Variants in ANKRD46 observed in about 807,000 individuals in gnomAD.
ANKRD46 encodes ankyrin repeat domain 46.
A neutral mutation model predicts 19.8 loss-of-function variants in ANKRD46; 13 were observed. The observed-to-expected ratio is 0.66, with a 90% CI of 0.43 to 1.04. The LOEUF (loss-of-function observed/expected upper bound fraction) is 1.04, where lower values mean the gene tolerates loss of function less well. ANKRD46 is among the 50% of genes least tolerant of loss of function. ANKRD46 has a pLI of 0.00. For synonymous variants in ANKRD46, 91 were observed against 106.9 expected (o/e 0.85, Z 0.92); for missense variants, 185 against 274.8 (o/e 0.67, Z 2.31).
chr8:100,515,496 A>G (rs1049000674), intron 5 of ANKRD46, among the ~76,000 whole-genome samples: 1 of 152,184 alleles, frequency 6.6e-6, no homozygotes, highest in Non-Finnish European at 1.5e-5. Flanking sequence ...GGTTACAGAA[A>G]TCCACATCCT....
At position 100,544,186 on chromosome 8, in the gene ANKRD46, A is replaced by G. The variant is rs1304137643; in HGVS notation, c.-130-10875T>C. 6.6e-6 allele frequency among the ~76,000 whole-genome samples: 1 copy of G among 152,156 alleles called. No individual in the cohort carries two copies. On this transcript the variant is annotated intron_variant, in intron 1 of 4. Coordinates refer to ENST00000335659, the MANE Select transcript of ANKRD46 (RefSeq NM_001270377.2). The surrounding 1 kb of genome is among the most constrained non-coding windows in gnomAD (Gnocchi z 4.4). Reference sequence around the variant, plus strand: ...ACCCCAAGCAGCAAGAAATCTGCCCATACAACCATCCCTAACTCTCTTCAG... The same window carrying G: ...ACCCCAAGCAGCAAGAAATCTGCCCGTACAACCATCCCTAACTCTCTTCAG...
rs575486156 is a variant in ANKRD46, at chr8:100,546,046, T to A, written c.-130-12735A>T. Among the ~76,000 whole-genome samples the A allele has an allele frequency of 1.3e-5, 2 of 152,244 alleles. No homozygotes were observed. Among genetic ancestry groups the A allele is most frequent in the Non-Finnish European group, 2.9e-5 (2 of 68,044 alleles). Reference sequence around the variant, plus strand: ...TGTTCACGAAGAGATAATCTGCAATTGGAACTTCTGTTTAAAAGCGAAGCA... The same window carrying A: ...TGTTCACGAAGAGATAATCTGCAATAGGAACTTCTGTTTAAAAGCGAAGCA... On this transcript the variant is annotated intron_variant, in intron 1 of 4. Transcript: ENST00000335659. The surrounding 1 kb of genome is among the most constrained non-coding windows in gnomAD (Gnocchi z 4.0).
chr8:100,510,741 C>G lies in ANKRD46; in HGVS notation c.637-102G>C. 1 of 1,055,444 alleles carries G rather than the reference C, an allele frequency of 9.5e-7. No individual in the cohort carries two copies. The highest frequency in any genetic ancestry group is 2.5e-5 in the Admixed American group (1 of 39,870). 65.4% of individuals were successfully genotyped at this position (1,055,444 alleles called of 1,614,324 possible). On this transcript the variant is annotated intron_variant, in intron 5 of 5. Transcript: ENST00000520552. The surrounding 1 kb of genome is among the most constrained non-coding windows in gnomAD (Gnocchi z 4.9). ...AGATACAATCATAAATATATAGAAC[C>G]AGAAAGCACAGGCTTGCTTCTCCTC... is the stretch of plus-strand genomic sequence containing the variant.
chr8:100,532,695 C>CA lies in ANKRD46; in HGVS notation c.-28+513dup, dbSNP rs377491118. Among the ~76,000 whole-genome samples the CA allele has an allele frequency of 6.6e-5, 10 of 151,554 alleles. No homozygotes were observed. The highest frequency in any genetic ancestry group is 2.2e-4 in the African/African-American group (9 of 41,276). On this transcript the variant is annotated intron_variant, in intron 2 of 4. Transcript: ENST00000335659. This position sits in a 1 kb window ranked among gnomAD's most constrained non-coding sequence, Gnocchi z 4.7. Reference sequence around the variant, plus strand: ...ATAGCTGATAAGCTTTAAAAAATTGCAAAAAAAATCTCAGAATGTTTTTTA... The same window carrying CA: ...ATAGCTGATAAGCTTTAAAAAATTGCAAAAAAAAATCTCAGAATGTTTTTTA...
chr8:100,529,497 G>C lies in ANKRD46; in HGVS notation c.311+26C>G. 2 of 1,587,120 alleles carry C rather than the reference G, an allele frequency of 1.3e-6. No homozygotes were observed. Among genetic ancestry groups the C allele is most frequent in the Non-Finnish European group, 1.7e-6 (2 of 1,163,266 alleles). The stretch of plus-strand genomic sequence containing the variant: ...AGAGATTAATGGGAAGAAATGACTA[G>C]ACTTCTAAAACAACAGAGAACTTAC... On this transcript the variant is annotated intron_variant, in intron 3 of 4. Coordinates refer to ENST00000335659, the MANE Select transcript of ANKRD46 (RefSeq NM_001270377.2). This position sits in a 1 kb window ranked among gnomAD's most constrained non-coding sequence, Gnocchi z 5.8.
At chr8:100,531,930 G>A (rs1182562682) in intron 2 of ANKRD46, among the ~76,000 whole-genome samples, 1 of 152,162 alleles carries the variant, frequency 6.6e-6, no homozygotes, top group Non-Finnish European at 1.5e-5. Context: ...TCAATCATTA[G>A]GTCATTGCAG....
chr8:100,542,942 T>C (rs189160781), intron 1 of ANKRD46, among the ~76,000 whole-genome samples: 15 of 152,270 alleles, frequency 9.9e-5, no homozygotes, highest in Admixed American at 6.5e-4. Flanking sequence ...AGCCCTGGCC[T>C]CTACACACAG....
At position 100,510,583 on chromosome 8, in the gene ANKRD46, G is replaced by A. The variant is rs777324864; in HGVS notation, c.693C>T (p.Ala231=). ...CAGGACACTGACCTAGAGATTAGAT[G>A]GCCTGGATTCGGCTTCTGTCTTGCC... The change falls in exon 6 of 6, where the codon GCC becomes GCT. Residue 231 remains alanine (A), a synonymous_variant. Transcript: ENST00000520552. This position sits in a 1 kb window ranked among gnomAD's most constrained non-coding sequence, Gnocchi z 4.9. The A allele has an allele frequency of 1.3e-6, 2 of 1,535,510 alleles. No individual in the cohort carries two copies. The highest frequency in any genetic ancestry group is 2.4e-5 in the South Asian group (2 of 84,016).
chr8:100,528,005 T>TCAAA lies in ANKRD46; in HGVS notation c.312-3_312-2insTTTG. ...AAAGGGGTAGCACCTTGATGATTGCTAAAAAAAAAAAAAAAAAAAAAAGTT... is the reference window on the plus strand; with the variant it reads ...AAAGGGGTAGCACCTTGATGATTGCTCAAAAAAAAAAAAAAAAAAAAAAAAAGTT... On this transcript the variant is annotated splice_region_variant and splice_polypyrimidine_tract_variant and intron_variant, in intron 3 of 4. Coordinates refer to ENST00000335659, the MANE Select transcript of ANKRD46 (RefSeq NM_001270377.2). 8.6e-7 allele frequency: 1 copy of TCAAA among 1,164,228 alleles called. No homozygotes were observed. The allele number at this position is 1,164,228 out of a possible 1,614,324, so 72.1% of individuals were successfully genotyped here.
Position 100,524,294 on chromosome 8 carries a change from T to C in ANKRD46, c.471-1523A>G, listed in dbSNP as rs1432889429. Among the ~76,000 whole-genome samples, 1 of 152,214 alleles carries C rather than the reference T, an allele frequency of 6.6e-6. No individual in the cohort carries two copies. The highest frequency in any genetic ancestry group is 1.5e-5 in the Non-Finnish European group (1 of 68,042). On this transcript the variant is annotated intron_variant, in intron 4 of 4. Coordinates refer to ENST00000335659, the MANE Select transcript of ANKRD46 (RefSeq NM_001270377.2). This position sits in a 1 kb window ranked among gnomAD's most constrained non-coding sequence, Gnocchi z 4.3. The stretch of plus-strand genomic sequence containing the variant: ...TACTGGTTATCAAAGTTCATTACTA[T>C]CCTTCCTAACTCCCATAAAACAGTA...
chr8:100,558,272 A>G (rs1396473231), intron 1 of ANKRD46, among the ~76,000 whole-genome samples: 2 of 152,150 alleles, frequency 1.3e-5, no homozygotes, highest in African/African-American at 4.8e-5. Context: ...ATTCCTTATC[A>G]CTTCACATCC....
chr8:100,535,417 C>CA (rs1812046324), intron 1 of ANKRD46, among the ~76,000 whole-genome samples: 1 of 152,192 alleles, frequency 6.6e-6, no homozygotes, highest in Non-Finnish European at 1.5e-5. Context: ...CAGTTTCCCC[C>CA]AATGGTAACA....
Position 100,514,153 on chromosome 8 carries a change from G to C in ANKRD46, c.637-3514C>G, listed in dbSNP as rs1010263709. Among the ~76,000 whole-genome samples, 27 of 152,132 alleles carry C rather than the reference G, an allele frequency of 1.8e-4. 1 individual carries two copies. Among genetic ancestry groups the C allele is most frequent in the African/African-American group, 5.6e-4 (23 of 41,436 alleles). On this transcript the variant is annotated intron_variant, in intron 5 of 5. Transcript: ENST00000520552. The stretch of plus-strand genomic sequence containing the variant: ...ATGAATATGCAAGAGAATTAGGCTA[G>C]CAATTATTCTTGAACCTCTAAAAAG...
chr8:100,521,235 T>C lies in ANKRD46; in HGVS notation c.*1320A>G, dbSNP rs1472663229. Reference sequence around the variant, plus strand: ...AATCACAGAAATACCAATTCTATTCTAAAGCATAATTTCTAATTCTAGCAG... The same window carrying C: ...AATCACAGAAATACCAATTCTATTCCAAAGCATAATTTCTAATTCTAGCAG... On this transcript the variant is annotated 3_prime_UTR_variant, in exon 5 of 5. Transcript: ENST00000335659. 2 of 985,216 alleles carry C rather than the reference T, an allele frequency of 2.0e-6. No individual in the cohort carries two copies. Among genetic ancestry groups the C allele is most frequent in the Non-Finnish European group, 2.4e-6 (2 of 829,912 alleles). The allele number at this position is 985,216 out of a possible 1,614,324, so 61.0% of individuals were successfully genotyped here. A position where few individuals can be genotyped will look rare whatever the true frequency, so the allele number is the denominator to read the frequency against.
intron 3 of ANKRD46, among the ~76,000 whole-genome samples, chr8:100,528,492 G>A (rs1243683380): frequency 1.3e-5 from 2 of 149,354 alleles, no homozygotes; most frequent in Admixed American, 1.3e-4. Context: ...CAGTGTAGCT[G>A]AATTTTGAAT....
At chr8:100,554,294 G>A (rs1812451506) in intron 1 of ANKRD46, among the ~76,000 whole-genome samples, 1 of 150,098 alleles carries the variant, frequency 6.7e-6, no homozygotes, top group Admixed American at 6.7e-5. Flanking sequence ...ACAAAGATAA[G>A]CTTCAGAAAA....
At chr8:100,518,537 G>C (rs1186592716), downstream of ANKRD46, among the ~76,000 whole-genome samples, 1 of 152,068 alleles carries the variant, frequency 6.6e-6, no homozygotes, top group African/African-American at 2.4e-5. Flanking sequence ...TTGTATTCTT[G>C]GAAAATTCAT....
intron 3 of ANKRD46, 118 bp from the exon 4 acceptor site, chr8:100,528,121 T>A: frequency 2.6e-6 from 3 of 1,153,870 alleles, no homozygotes; most frequent in South Asian, 2.2e-5. Flanking sequence ...GAAGAAAGAA[T>A]GGGCCCAATT....
downstream of ANKRD46, chr8:100,520,725 TAAAAC>T: frequency 2.4e-6 from 2 of 819,328 alleles, no homozygotes; most frequent in Non-Finnish European, 2.8e-6. Flanking sequence ...ATCCCCAAAT[TAAAAC>T]TATAATACAC....
Sources: gnomAD v4.1 joint callset for allele counts (sites outside exome capture counted in the v4.1 genomes callset) on GRCh38, gnomAD v4.1.1 for gene constraint, Gnocchi (gnomAD v3.1) non-coding constraint, MANE v1.5 for transcripts, NCBI Gene and HGNC (gene_info 2026-07-23, HGNC 2026-07-21) for gene names.